Variants in TEX11 observed in about 807,000 individuals in gnomAD.
TEX11 encodes the protein testis expressed 11.
In TEX11, 7 loss-of-function variants were observed where a neutral mutation model predicts 84.4. The ratio of observed to expected loss-of-function variants is 0.08; its 90% CI spans 0.05 to 0.16. The LOEUF is 0.16. Among genes scored for constraint, TEX11 ranks in the 10% least tolerant of loss-of-function variants. The pLI is 1.00. For missense variants in TEX11, 551 were observed against 660.5 expected (o/e 0.83, Z 1.82); for synonymous variants, 264 against 222.8 (o/e 1.18, Z -1.64).
At chrX:70,611,530 G>A (rs773953873) in intron 20 of TEX11, among the ~76,000 whole-genome samples, 43 of 112,020 alleles carry the variant, frequency 3.8e-4, no homozygotes, top group South Asian at 7.5e-4. Flanking sequence ...CAGGAGCTTG[G>A]TTAGCTACTC....
the TEX11 span, among the ~76,000 whole-genome samples, chrX:70,522,568 C>T: frequency 9.0e-6 from 1 of 110,923 alleles, no homozygotes; most frequent in Admixed American, 9.6e-5. Flanking sequence ...AGTTTTGCTC[C>T]TGTTGCCCAG....
chrX:70,825,613 T>C (rs1273338473), intron 8 of TEX11, among the ~76,000 whole-genome samples: 1 of 111,805 alleles, frequency 8.9e-6, no homozygotes, highest in African/African-American at 3.2e-5. Flanking sequence ...TTTTAAAAGT[T>C]TTTACATTCT....
Position 70,743,170 on chromosome X carries a change from C to T in TEX11, c.747+995G>A, listed in dbSNP as rs909059943. Reference sequence around the variant, plus strand: ...GTCTTTTTGTGACTGGCTTGTTTCACTCAGCGTAGTCTCCTCACAGTTAAC... The same window carrying T: ...GTCTTTTTGTGACTGGCTTGTTTCATTCAGCGTAGTCTCCTCACAGTTAAC... On this transcript the variant is annotated intron_variant, in intron 10 of 29. Transcript: ENST00000374333. 2.7e-5 allele frequency among the ~76,000 whole-genome samples: 3 copies of T among 112,177 alleles called. No homozygotes were observed. In the Admixed American group the frequency reaches 2.8e-4, roughly 11 times the overall value.
At chrX:70,731,261 A>G (rs1242389908) in intron 11 of TEX11, among the ~76,000 whole-genome samples, 1 of 111,667 alleles carries the variant, frequency 9.0e-6, no homozygotes, top group African/African-American at 3.3e-5. Flanking sequence ...AGCAAGAGCA[A>G]ACACATGCAA....
chrX:70,570,577 C>T (rs974143088), intron 25 of TEX11, among the ~76,000 whole-genome samples: 6 of 111,754 alleles, frequency 5.4e-5, no homozygotes, highest in African/African-American at 2.0e-4. Flanking sequence ...TTATTTCTTT[C>T]TTATATATTT....
At position 70,599,952 on chromosome X, in the gene TEX11, C is replaced by T. The variant is rs759246037; in HGVS notation, c.2067+5449G>A. Among the ~76,000 whole-genome samples the T allele has an allele frequency of 1.0e-4, 11 of 109,836 alleles. No individual in the cohort carries two copies. In the South Asian group the frequency reaches 2.4e-3, roughly 24 times the overall value. The stretch of plus-strand genomic sequence containing the variant: ...CATTTGGGTTGGTTCCTAGCCTTTG[C>T]TATTGTGAATAATGCCTCAATAAAC... On this transcript the variant is annotated intron_variant, in intron 24 of 29. Coordinates refer to ENST00000374333, the MANE Select transcript of TEX11 (RefSeq NM_031276.3).
chrX:70,640,974 C>T lies in TEX11; in HGVS notation c.1483+10476G>A, dbSNP rs1461909903. 3.6e-5 allele frequency among the ~76,000 whole-genome samples: 4 copies of T among 110,892 alleles called. No individual in the cohort carries two copies. The East Asian group carries it at 1.1e-3, about 32-fold the overall frequency. On this transcript the variant is annotated intron_variant, in intron 17 of 29. Coordinates refer to ENST00000374333, the MANE Select transcript of TEX11 (RefSeq NM_031276.3). ...GCTCCAATTAAAAGACACAGACTGGCAAATTGGATAGAGTCAAGACCCATC... is the reference window on the plus strand; with the variant it reads ...GCTCCAATTAAAAGACACAGACTGGTAAATTGGATAGAGTCAAGACCCATC...
intron 9 of TEX11, among the ~76,000 whole-genome samples, chrX:70,759,047 C>T (rs1358687675): frequency 9.0e-6 from 1 of 111,429 alleles, no homozygotes; most frequent in Non-Finnish European, 1.9e-5. Context: ...ACACATAAAC[C>T]CTCCCAAGAC....
At chrX:70,719,613 T>C (rs1260944534) in intron 13 of TEX11, among the ~76,000 whole-genome samples, 2 of 111,743 alleles carry the variant, frequency 1.8e-5, no homozygotes, top group Non-Finnish European at 3.8e-5. Context: ...ATTTTTGCAA[T>C]CTACTCATCT....
downstream of TEX11, among the ~76,000 whole-genome samples, chrX:70,525,383 C>T (rs1485137594): frequency 8.1e-5 from 9 of 110,701 alleles, no homozygotes; most frequent in African/African-American, 1.6e-4. Flanking sequence ...CTCAGGAGTT[C>T]GAGAGCAGCC....
chrX:70,512,812 G>A, the TEX11 span, among the ~76,000 whole-genome samples: 3 of 108,616 alleles, frequency 2.8e-5, no homozygotes, highest in Non-Finnish European at 5.7e-5. Flanking sequence ...CTTTGATCAT[G>A]TATTTTCATT....
chrX:70,782,645 C>CAAAAAG (rs2091047536), intron 9 of TEX11, among the ~76,000 whole-genome samples: 1 of 28,903 alleles, frequency 3.5e-5, no homozygotes, highest in African/African-American at 2.0e-4. Context: ...AAATGGAAAG[C>CAAAAAG]AAAAAAAAAA....
At chrX:70,798,031 G>T (rs2091166100) in intron 9 of TEX11, among the ~76,000 whole-genome samples, 1 of 102,759 alleles carries the variant, frequency 9.7e-6, no homozygotes, top group Non-Finnish European at 2.0e-5. Flanking sequence ...AGATGAGGGG[G>T]GGGGAAAGGC....
intron 7 of TEX11, among the ~76,000 whole-genome samples, chrX:70,836,934 T>C (rs755481138): frequency 9.0e-6 from 1 of 111,171 alleles, no homozygotes; most frequent in East Asian, 2.8e-4. Context: ...GGAGAATCAC[T>C]TGAGCCTGGG....
At chrX:70,890,974 A>G (rs1191530780) in intron 2 of TEX11, among the ~76,000 whole-genome samples, 1 of 112,011 alleles carries the variant, frequency 8.9e-6, no homozygotes. Context: ...GACATCTCAT[A>G]CAGGCGGGTG....
chrX:70,609,297 A>ATG, intron 21 of TEX11, 120 bp from the exon 22 acceptor site: 1 of 548,160 alleles, frequency 1.8e-6, no homozygotes, highest in Non-Finnish European at 2.8e-6. Context: ...TTTTTTGTGT[A>ATG]TGTGTGTAGG....
intron 28 of TEX11, among the ~76,000 whole-genome samples, 184 bp from the exon 29 acceptor site, chrX:70,530,183 G>A (rs1405886826): frequency 9.0e-6 from 1 of 111,467 alleles, no homozygotes; most frequent in East Asian, 2.8e-4. Context: ...GCTGTAGAAT[G>A]TTCCATAGCA....
At chrX:70,903,979 C>CTTTTTTTTTT (rs34397286) in intron 2 of TEX11, among the ~76,000 whole-genome samples, 1 of 29,963 alleles carries the variant, frequency 3.3e-5, no homozygotes. Context: ...CCACATCCAG[C>CTTTTTTTTTT]TTTTTTTTTT....
At chrX:70,734,072 C>T (rs1488897720) in intron 11 of TEX11, among the ~76,000 whole-genome samples, 2 of 110,445 alleles carry the variant, frequency 1.8e-5, no homozygotes. Context: ...CCAAACACCG[C>T]ATGTTCTCAC....
Sources: allele counts gnomAD v4.1 joint callset (sites outside exome capture counted in the v4.1 genomes callset), GRCh38; gene constraint gnomAD v4.1.1; transcripts MANE v1.5; gene names NCBI Gene and HGNC (gene_info 2026-07-23, HGNC 2026-07-21).